Variants in CAMTA1 observed in about 807,000 individuals in gnomAD.
CAMTA1 encodes calmodulin-binding transcription activator 1.
Under a neutral mutation model 170.9 loss-of-function variants are expected in CAMTA1, and 27 were observed. The ratio of observed to expected loss-of-function variants is 0.16; its 90% CI spans 0.12 to 0.22. CAMTA1 has a LOEUF of 0.22. Among genes scored for constraint, CAMTA1 ranks in the 10% least tolerant of loss-of-function variants. CAMTA1 has a pLI of 1.00. For synonymous variants in CAMTA1, 833 were observed against 891.5 expected, an observed-to-expected ratio of 0.93 and a Z score of 1.17; for missense variants, 1,619 against 2,217.2, an observed-to-expected ratio of 0.73 and a Z score of 5.42.
At chr1:6,872,302 GAAATA>G (rs1382698114) in intron 3 of CAMTA1, among the ~76,000 whole-genome samples, 1 of 151,208 alleles carries the variant, frequency 6.6e-6, no homozygotes, top group Non-Finnish European at 1.5e-5. Flanking sequence ...CTTTCTTTCA[GAAATA>G]GTAGCAACTT....
At chr1:7,176,706 C>T (rs1209153383) in intron 4 of CAMTA1, among the ~76,000 whole-genome samples, 10 of 152,200 alleles carry the variant, frequency 6.6e-5, no homozygotes, top group Non-Finnish European at 1.5e-4. Flanking sequence ...TTAATCAAGA[C>T]ATTTTTGCAA....
intron 5 of CAMTA1, among the ~76,000 whole-genome samples, chr1:7,250,469 C>T (rs576114656): frequency 1.3e-5 from 2 of 152,296 alleles, no homozygotes; most frequent in African/African-American, 2.4e-5. Flanking sequence ...GAAGCTGGCT[C>T]GTGATCCACC....
At chr1:7,012,298 G>C (rs921151549) in intron 3 of CAMTA1, among the ~76,000 whole-genome samples, 2 of 152,096 alleles carry the variant, frequency 1.3e-5, no homozygotes, top group South Asian at 2.1e-4. Context: ...GACCTTGCCA[G>C]GTAGAGATAA....
intron 3 of CAMTA1, among the ~76,000 whole-genome samples, chr1:6,911,475 G>C (rs868045049): frequency 1.2e-4 from 19 of 152,198 alleles, no homozygotes; most frequent in Admixed American, 2.0e-4. Flanking sequence ...GCCCTGTGCA[G>C]TGTCTTCCTG....
intron 3 of CAMTA1, among the ~76,000 whole-genome samples, chr1:6,844,147 A>G (rs1219711908): frequency 6.6e-6 from 1 of 152,220 alleles, no homozygotes; most frequent in Non-Finnish European, 1.5e-5. Context: ...CTCAGAATAT[A>G]TATTGTTTGA....
chr1:6,799,289 G>A (rs1442433626), intron 1 of CAMTA1, among the ~76,000 whole-genome samples: 1 of 152,056 alleles, frequency 6.6e-6, no homozygotes, highest in Non-Finnish European at 1.5e-5. Context: ...GGCTTGTCTT[G>A]TACTCCTGGC....
chr1:7,165,699 C>T (rs1261598082), intron 4 of CAMTA1, among the ~76,000 whole-genome samples: 1 of 152,160 alleles, frequency 6.6e-6, no homozygotes, highest in Non-Finnish European at 1.5e-5. Context: ...CCCAAAGTGC[C>T]AGGATTACAG....
rs542108113 is a variant in CAMTA1 at position 7,763,745 on chromosome 1, A to G, written c.4990-2714A>G. Among the ~76,000 whole-genome samples the G allele has an allele frequency of 2.0e-4, 31 of 152,326 alleles. 1 individual carries two copies. In the South Asian group the frequency reaches 6.2e-3, roughly 31 times the overall value. On this transcript the variant is annotated intron_variant, in intron 22 of 22. Coordinates refer to ENST00000303635, the MANE Select transcript of CAMTA1 (RefSeq NM_015215.4). ...CCTTTTTATTTCATCTCAATGATGA[A>G]CTTAATATTTCTAAAGCATTCCTGT...
At chr1:7,082,544 C>A (rs7542535) in intron 3 of CAMTA1, among the ~76,000 whole-genome samples, 1 of 152,102 alleles carries the variant, frequency 6.6e-6, no homozygotes, top group Non-Finnish European at 1.5e-5. Flanking sequence ...CCTGGTTCTT[C>A]GGGATAAAAC....
intron 6 of CAMTA1, among the ~76,000 whole-genome samples, chr1:7,490,219 G>T (rs1424568954): frequency 6.6e-6 from 1 of 152,192 alleles, no homozygotes; most frequent in African/African-American, 2.4e-5. Flanking sequence ...ATGCCTCCTC[G>T]CATGGGATTG....
intron 4 of CAMTA1, among the ~76,000 whole-genome samples, chr1:7,206,930 C>A (rs1657845158): frequency 6.6e-6 from 1 of 152,180 alleles, no homozygotes; most frequent in African/African-American, 2.4e-5. Context: ...TTGCACACCC[C>A]ACCCCCGGCC....
chr1:7,077,654 C>G (rs1243282784), intron 3 of CAMTA1, among the ~76,000 whole-genome samples: 3 of 151,750 alleles, frequency 2.0e-5, no homozygotes, highest in African/African-American at 7.3e-5. Context: ...AGATGGCTGG[C>G]TTCTGTTTTT....
chr1:6,875,061 C>T (rs577031699), intron 3 of CAMTA1, among the ~76,000 whole-genome samples: 1 of 152,272 alleles, frequency 6.6e-6, no homozygotes, highest in Admixed American at 6.5e-5. Context: ...ATGTTCACCC[C>T]ATTTTGCACA....
In CAMTA1 at chr1:6,862,715, C is replaced by G. The variant is rs540035059; in HGVS notation, c.234+37505C>G. Among the ~76,000 whole-genome samples, 4 of 152,304 alleles carry G rather than the reference C, an allele frequency of 2.6e-5. No homozygotes were observed. In the South Asian group the frequency reaches 8.3e-4, roughly 32 times the overall value. On this transcript the variant is annotated intron_variant, in intron 3 of 22. Coordinates refer to ENST00000303635, the MANE Select transcript of CAMTA1 (RefSeq NM_015215.4). ...GTGCATGCCCCCTGTTTCTCTCCCA[C>G]TTAGGAGATTTCCTTTGTGACCCTC...
At chr1:7,254,939 A>G (rs1280357783) in intron 5 of CAMTA1, among the ~76,000 whole-genome samples, 1 of 152,260 alleles carries the variant, frequency 6.6e-6, no homozygotes, top group Non-Finnish European at 1.5e-5. Context: ...AATGAGGGGC[A>G]GGAGCTCACA....
At chr1:7,409,317 C>A (rs540931952) in intron 5 of CAMTA1, among the ~76,000 whole-genome samples, 1 of 152,360 alleles carries the variant, frequency 6.6e-6, no homozygotes, top group Admixed American at 6.5e-5. Flanking sequence ...AGCCCACTGT[C>A]AGCCCAAGAT....
chr1:7,486,256 C>T (rs1026090278), intron 6 of CAMTA1, among the ~76,000 whole-genome samples: 3 of 152,204 alleles, frequency 2.0e-5, no homozygotes, highest in African/African-American at 7.2e-5. Flanking sequence ...TGATTGGTAA[C>T]GTTTGCCAAT....
At chr1:7,165,966 A>G (rs1480740332) in intron 4 of CAMTA1, among the ~76,000 whole-genome samples, 1 of 152,206 alleles carries the variant, frequency 6.6e-6, no homozygotes, top group Non-Finnish European at 1.5e-5. Context: ...CAAGACATAC[A>G]TATATTTCTA....
chr1:7,690,703 T>G (rs968403593), intron 11 of CAMTA1, among the ~76,000 whole-genome samples: 1 of 152,248 alleles, frequency 6.6e-6, no homozygotes, highest in Non-Finnish European at 1.5e-5. Context: ...TGTGTACCCA[T>G]GTGTAGTGAC....
Sources: allele counts gnomAD v4.1 joint callset (sites outside exome capture counted in the v4.1 genomes callset), GRCh38; gene constraint gnomAD v4.1.1; transcripts MANE v1.5; gene names NCBI Gene and HGNC (gene_info 2026-07-23, HGNC 2026-07-21).